The following DYNC2LI1 variants were observed in gnomAD, a reference collection of about 807,000 sequenced individuals.
DYNC2LI1 encodes cytoplasmic dynein 2 light intermediate chain 1.
In DYNC2LI1, 45 loss-of-function variants were observed where a neutral mutation model predicts 51.9. The ratio of observed to expected loss-of-function variants is 0.87; its 90% CI spans 0.68 to 1.11. The LOEUF (loss-of-function observed/expected upper bound fraction) is 1.11. DYNC2LI1 is among the 50% of genes most tolerant of loss of function. DYNC2LI1 has a pLI of 0.00. For missense variants in DYNC2LI1, 490 were observed against 417.4 expected (o/e 1.17, Z -1.51); for synonymous variants, 130 against 137.8 (o/e 0.94, Z 0.40).
chr2:43,775,448 G>A (rs1672965736), intron 1 of DYNC2LI1, among the ~76,000 whole-genome samples: 1 of 151,068 alleles, frequency 6.6e-6, no homozygotes, highest in South Asian at 2.1e-4. Context: ...TGAAAGGATT[G>A]TTTTCAAAAT....
intron 10 of DYNC2LI1, among the ~76,000 whole-genome samples, chr2:43,804,257 TTG>T (rs1295203618): frequency 2.6e-5 from 4 of 152,158 alleles, no homozygotes; most frequent in Non-Finnish European, 5.9e-5. Context: ...AATATTTTGG[TTG>T]TAGGTCAATT....
the DYNC2LI1 span, chr2:43,822,747 T>A: frequency 6.2e-7 from 1 of 1,613,320 alleles, no homozygotes; most frequent in Non-Finnish European, 8.5e-7. Flanking sequence ...TCCCACTAGC[T>A]CCATGACTCC....
the DYNC2LI1 span, chr2:43,822,818 A>C: frequency 6.2e-7 from 1 of 1,614,124 alleles, no homozygotes; most frequent in Non-Finnish European, 8.5e-7. Context: ...ACTGCTGAAA[A>C]TCATGGTGGC....
intron 2 of DYNC2LI1, among the ~76,000 whole-genome samples, chr2:43,777,977 G>A (rs1436963542): frequency 1.3e-5 from 2 of 152,246 alleles, no homozygotes; most frequent in Admixed American, 1.3e-4. Flanking sequence ...ATAAAAATTA[G>A]AAATATGGAT....
intron 10 of DYNC2LI1, 126 bp from the exon 11 acceptor site, chr2:43,804,516 C>G (rs1666176482): frequency 1.6e-6 from 1 of 608,588 alleles, no homozygotes; most frequent in Non-Finnish European, 2.8e-6. Context: ...TTTATGGTGA[C>G]TATATTAAGG....
At chr2:43,820,839 A>G in the DYNC2LI1 span, among the ~76,000 whole-genome samples, 1 of 152,208 alleles carries the variant, frequency 6.6e-6, no homozygotes, top group African/African-American at 2.4e-5. Context: ...TATTTAGTAG[A>G]GATGGGGTTT....
At chr2:43,812,836 C>T (rs1666553425), downstream of DYNC2LI1, 3 of 386,356 alleles carry the variant, frequency 7.8e-6, no homozygotes, top group African/African-American at 2.0e-5. Context: ...TCACACGAGT[C>T]TCCCATAGGT....
chr2:43,815,185 T>A, the DYNC2LI1 span, among the ~76,000 whole-genome samples: 1 of 152,218 alleles, frequency 6.6e-6, no homozygotes, highest in Non-Finnish European at 1.5e-5. Flanking sequence ...CGAACCAACA[T>A]TCATTGTGAA....
the DYNC2LI1 span, chr2:43,823,870 A>G: frequency 1.3e-6 from 2 of 1,597,270 alleles, no homozygotes; most frequent in Non-Finnish European, 1.7e-6. Flanking sequence ...GAAGGGAGGT[A>G]TTTAGGGAGA....
At chr2:43,823,129 A>G in the DYNC2LI1 span, among the ~76,000 whole-genome samples, 3 of 152,230 alleles carry the variant, frequency 2.0e-5, no homozygotes, top group Non-Finnish European at 2.9e-5. Context: ...ACACTCTACC[A>G]GAATTGCAAT....
At chr2:43,823,776 C>A in the DYNC2LI1 span, 2 of 994,972 alleles carry the variant, frequency 2.0e-6, no homozygotes, top group Non-Finnish European at 2.9e-6. Context: ...GTTGCCTTTC[C>A]CCAGAGAGGG....
intron 5 of DYNC2LI1, chr2:43,793,450 G>A (rs1469870574): frequency 6.6e-6 from 1 of 152,238 alleles, no homozygotes; most frequent in Non-Finnish European, 1.5e-5. Flanking sequence ...CTCCAGCCTG[G>A]ACAATAGAGA....
At chr2:43,819,969 C>A in the DYNC2LI1 span, 1 of 1,614,198 alleles carries the variant, frequency 6.2e-7, no homozygotes, top group Non-Finnish European at 8.5e-7. Flanking sequence ...AGCCACTACA[C>A]TGTTGACTAT....
chr2:43,818,318 C>G, the DYNC2LI1 span, among the ~76,000 whole-genome samples: 1 of 152,104 alleles, frequency 6.6e-6, no homozygotes, highest in Admixed American at 6.5e-5. Flanking sequence ...GTGGCGCACA[C>G]CTGTAATCCC....
At chr2:43,823,789 C>T in the DYNC2LI1 span, 2 of 1,134,602 alleles carry the variant, frequency 1.8e-6, no homozygotes, top group Non-Finnish European at 2.5e-6. Flanking sequence ...AGAGAGGGAA[C>T]CTGGAGAGGG....
At chr2:43,780,734 A>G (rs1455474683) in intron 2 of DYNC2LI1, among the ~76,000 whole-genome samples, 1 of 152,116 alleles carries the variant, frequency 6.6e-6, no homozygotes, top group Non-Finnish European at 1.5e-5. Context: ...TTATTGGGCC[A>G]GATTAAGGGA....
At chr2:43,824,642 G>T in the DYNC2LI1 span, 6 of 985,338 alleles carry the variant, frequency 6.1e-6, no homozygotes, top group South Asian at 1.4e-4. Flanking sequence ...GAATTCAGAA[G>T]CTCAGCTAAT....
At chr2:43,813,409 T>C, downstream of DYNC2LI1, 1 of 828,406 alleles carries the variant, frequency 1.2e-6, no homozygotes, top group Non-Finnish European at 2.0e-6. Flanking sequence ...TAATGAAAAA[T>C]ACAGGACACT....
Position 43,774,094 on chromosome 2 carries a change from C to T in DYNC2LI1, c.-45C>T, listed in dbSNP as rs949623285. The T allele has an allele frequency of 1.9e-6, 3 of 1,612,662 alleles. No individual in the cohort carries two copies. The highest frequency in any genetic ancestry group is 1.3e-5 in the African/African-American group (1 of 75,012). ...GCTCGCCGCCTGATTCTAGGCTGGT[C>T]ACTACTCCGAGCCTGTGACGTTTGC... On this transcript the variant is annotated 5_prime_UTR_variant, in exon 1 of 13. Coordinates refer to ENST00000260605, the MANE Select transcript of DYNC2LI1 (RefSeq NM_016008.4).
Sources: allele counts gnomAD v4.1 joint callset (sites outside exome capture counted in the v4.1 genomes callset), GRCh38; gene constraint gnomAD v4.1.1; transcripts MANE v1.5; gene names NCBI Gene and HGNC (gene_info 2026-07-23, HGNC 2026-07-21).